ANKHD1: variants seen among roughly 807,000 people sequenced by gnomAD.
ANKHD1 encodes the protein ankyrin repeat and KH domain containing 1.
Under a neutral mutation model 230.5 loss-of-function variants are expected in ANKHD1, and 31 were observed. The ratio of observed to expected loss-of-function variants is 0.13; its 90% CI spans 0.10 to 0.18. The LOEUF (loss-of-function observed/expected upper bound fraction) is 0.18. ANKHD1 is among the 10% of genes least tolerant of loss of function. The pLI is 1.00. For synonymous variants in ANKHD1, 1,074 were observed against 1,117.6 expected, an observed-to-expected ratio of 0.96 and a Z score of 0.78; for missense variants, 2,256 against 3,071.3, an observed-to-expected ratio of 0.73 and a Z score of 6.27.
At chr5:140,491,575 A>G (rs1751808743) in intron 14 of ANKHD1, among the ~76,000 whole-genome samples, 2 of 151,890 alleles carry the variant, frequency 1.3e-5, no homozygotes, top group Admixed American at 1.3e-4. Flanking sequence ...CTATCTCTAG[A>G]TTGTTTCTAC....
chr5:140,535,618 G>A, intron 30 of ANKHD1, 80 bp downstream of exon 30: 1 of 1,450,858 alleles, frequency 6.9e-7, no homozygotes. Flanking sequence ...ACACCATGTT[G>A]TAACTTTAGT....
chr5:140,530,007 A>G (rs1753743253), intron 29 of ANKHD1, among the ~76,000 whole-genome samples: 1 of 152,140 alleles, frequency 6.6e-6, no homozygotes, highest in African/African-American at 2.4e-5. Flanking sequence ...ATATTAATAA[A>G]AAAAACTCCA....
rs1581376395 is a variant in ANKHD1 at position 140,526,985 on chromosome 5, G to A, written c.4998G>A (p.Leu1666=). The change falls in exon 27 of 34, where the codon TTG becomes TTA. Residue 1666 remains leucine, a synonymous_variant. Coordinates refer to ENST00000360839, the MANE Select transcript of ANKHD1 (RefSeq NM_017747.3). ...SLSTSYKTVS[L]PLSSPNIKLN... ...CAACCAGCTACAAGACAGTGTCATT[G>A]CCATTAAGCTCTCCAAACATAAAGC... is the stretch of plus-strand genomic sequence containing the variant. The A allele has an allele frequency of 1.2e-6, 2 of 1,613,642 alleles. No individual in the cohort carries two copies. Among genetic ancestry groups the A allele is most frequent in the African/African-American group, 2.7e-5 (2 of 74,892 alleles).
At chr5:140,407,337 T>A (rs1770552289) in intron 1 of ANKHD1, among the ~76,000 whole-genome samples, 1 of 151,960 alleles carries the variant, frequency 6.6e-6, no homozygotes, top group Admixed American at 6.6e-5. Flanking sequence ...GTTTTTATTT[T>A]AAATTTTTAT....
intron 1 of ANKHD1, among the ~76,000 whole-genome samples, chr5:140,404,299 A>G (rs1449539351): frequency 6.6e-6 from 1 of 152,192 alleles, no homozygotes; most frequent in Non-Finnish European, 1.5e-5. Context: ...TGTAAATGAG[A>G]ATCTGAAAGA....
chr5:140,520,180 G>T (rs978137746), intron 24 of ANKHD1, among the ~76,000 whole-genome samples: 1 of 152,180 alleles, frequency 6.6e-6, no homozygotes, highest in Non-Finnish European at 1.5e-5. Flanking sequence ...ATGAAAAAAT[G>T]CTCCTCATCA....
chr5:140,491,158 A>T (rs866118358), intron 14 of ANKHD1, among the ~76,000 whole-genome samples: 1,718 of 83,240 alleles, frequency 0.021, 66 homozygotes, highest in African/African-American at 0.065. Flanking sequence ...ATATATATAT[A>T]TATTTTTTTT....
At chr5:140,427,380 C>T (rs1772555548) in intron 1 of ANKHD1, among the ~76,000 whole-genome samples, 1 of 60,476 alleles carries the variant, frequency 1.7e-5, no homozygotes, top group Non-Finnish European at 3.4e-5. Flanking sequence ...GGCTGACCCC[C>T]CCCCACCTCC....
At chr5:140,536,821 T>A (rs1044996728) in intron 30 of ANKHD1, among the ~76,000 whole-genome samples, 8 of 152,088 alleles carry the variant, frequency 5.3e-5, no homozygotes, top group African/African-American at 1.9e-4. Flanking sequence ...GTTGGGAGTT[T>A]GAGACCAGCC....
intron 7 of ANKHD1, among the ~76,000 whole-genome samples, chr5:140,450,494 A>G (rs1774641442): frequency 6.6e-6 from 1 of 151,708 alleles, no homozygotes; most frequent in Non-Finnish European, 1.5e-5. Context: ...CATATATCAT[A>G]TGATTCTATG....
intron 10 of ANKHD1, among the ~76,000 whole-genome samples, chr5:140,481,608 G>C (rs1003180872): frequency 6.6e-6 from 1 of 151,970 alleles, no homozygotes; most frequent in Non-Finnish European, 1.5e-5. Context: ...TAATTAAAAT[G>C]TAAATAGACT....
chr5:140,497,617 T>C (rs1239432770), intron 15 of ANKHD1, among the ~76,000 whole-genome samples: 2 of 152,228 alleles, frequency 1.3e-5, no homozygotes, highest in Admixed American at 6.5e-5. Context: ...GAAGTATTCG[T>C]ATAAGATTAT....
In ANKHD1 at chr5:140,527,743, T is replaced by A. The variant is rs1026192587; in HGVS notation, c.5088-130T>A. The A allele has an allele frequency of 3.4e-6, 4 of 1,178,030 alleles. No individual in the cohort carries two copies. Among genetic ancestry groups the A allele is most frequent in the Middle Eastern group, 2.9e-4 (1 of 3,424 alleles). The allele number at this position is 1,178,030 out of a possible 1,614,324, so 73.0% of individuals were successfully genotyped here. A position where few individuals can be genotyped will look rare whatever the true frequency, so the allele number is the denominator to read the frequency against. On this transcript the variant is annotated intron_variant, in intron 27 of 33. Transcript: ENST00000360839. The surrounding 1 kb of genome is among the most constrained non-coding windows in gnomAD (Gnocchi z 4.5). ...AGATCAATTTCTAAAATAAAAACTT[T>A]TAATAATTTCCTCTTTAGCATTTAA...
chr5:140,408,282 C>T (rs566211215), intron 1 of ANKHD1, among the ~76,000 whole-genome samples: 1 of 152,164 alleles, frequency 6.6e-6, no homozygotes, highest in Admixed American at 6.5e-5. Flanking sequence ...TTCTTCCCAC[C>T]CCCATTAATT....
intron 7 of ANKHD1, 88 bp from the exon 8 acceptor site, chr5:140,458,537 C>T: frequency 2.2e-6 from 3 of 1,373,086 alleles, no homozygotes; most frequent in Admixed American, 4.8e-5. Context: ...CTTCCTTTTT[C>T]CAATCTCTTG....
At chr5:140,453,868 A>G (rs1193861036) in intron 7 of ANKHD1, among the ~76,000 whole-genome samples, 1 of 152,232 alleles carries the variant, frequency 6.6e-6, no homozygotes, top group African/African-American at 2.4e-5. Flanking sequence ...TAACAATATT[A>G]ACCTTAAATG....
intron 10 of ANKHD1, among the ~76,000 whole-genome samples, chr5:140,478,359 TTTTC>T (rs1751079803): frequency 2.0e-5 from 3 of 150,540 alleles, no homozygotes; most frequent in Non-Finnish European, 4.4e-5. Context: ...TTTTCTTTCT[TTTTC>T]TTTTTTTTTT....
At chr5:140,456,615 G>A (rs1300609262) in intron 7 of ANKHD1, among the ~76,000 whole-genome samples, 1 of 152,150 alleles carries the variant, frequency 6.6e-6, no homozygotes, top group African/African-American at 2.4e-5. Context: ...ATGGGGAAAG[G>A]ATTCCCTATT....
At chr5:140,525,856 CT>C in intron 25 of ANKHD1, 139 bp from the exon 26 acceptor site, 1 of 881,744 alleles carries the variant, frequency 1.1e-6, no homozygotes, top group South Asian at 2.5e-5. Flanking sequence ...AAAAAGATTT[CT>C]TTATTTCTTA....
Sources: allele counts gnomAD v4.1 joint callset (sites outside exome capture counted in the v4.1 genomes callset), GRCh38; gene constraint gnomAD v4.1.1; non-coding constraint Gnocchi (gnomAD v3.1); transcripts MANE v1.5; gene names NCBI Gene and HGNC (gene_info 2026-07-23, HGNC 2026-07-21).